SGMS2: variants seen among roughly 807,000 people sequenced by gnomAD.
The protein encoded by SGMS2 is phosphatidylcholine:ceramide cholinephosphotransferase 2.
A neutral mutation model predicts 43.8 loss-of-function variants in SGMS2; 21 were observed. The observed-to-expected ratio is 0.48, with a 90% CI of 0.34 to 0.69. SGMS2 has a LOEUF of 0.69. SGMS2 is among the 30% of genes least tolerant of loss of function. The probability of loss-of-function intolerance (pLI) is 0.01; values close to 1 mark genes in which losing one functional copy is unlikely to be tolerated. For missense variants in SGMS2, 384 were observed against 443.2 expected (o/e 0.87, Z 1.20); for synonymous variants, 167 against 160.6 (o/e 1.04, Z -0.30).
intron 6 of SGMS2, among the ~76,000 whole-genome samples, chr4:107,909,107 T>A (rs993428893): frequency 3.4e-5 from 5 of 146,720 alleles, no homozygotes; most frequent in South Asian, 2.1e-4. Flanking sequence ...CTATTTTTTT[T>A]AATTTTTTTT....
chr4:107,829,741 C>A (rs745477437), intron 1 of SGMS2, among the ~76,000 whole-genome samples: 3 of 151,868 alleles, frequency 2.0e-5, no homozygotes, highest in Non-Finnish European at 2.9e-5. Context: ...TATTATTATT[C>A]TTTTATTTTT....
intron 2 of SGMS2, among the ~76,000 whole-genome samples, chr4:107,890,244 C>T (rs1435134125): frequency 6.6e-6 from 1 of 152,154 alleles, no homozygotes; most frequent in Non-Finnish European, 1.5e-5. Context: ...AGTCTGGTGT[C>T]TTCTCCATTT....
rs1232458773 is a variant in SGMS2 at position 107,838,160 on chromosome 4, G to T, written c.-327+12907G>T. On this transcript the variant is annotated intron_variant, in intron 1 of 6. Transcript: ENST00000690982. ...AGACCATGGGGTAACCAATGAGGAG[G>T]ACCGAAAGAACAATGTCCCAGATGC... Among the ~76,000 whole-genome samples the T allele has an allele frequency of 1.1e-4, 17 of 152,168 alleles. 1 individual carries two copies. Among genetic ancestry groups the T allele is most frequent in the Admixed American group, 1.1e-3 (17 of 15,268 alleles).
At chr4:107,890,486 C>A (rs1261156633) in intron 2 of SGMS2, among the ~76,000 whole-genome samples, 1 of 151,984 alleles carries the variant, frequency 6.6e-6, no homozygotes, top group Non-Finnish European at 1.5e-5. Flanking sequence ...ACCAGCCTGG[C>A]CAACATGGTG....
chr4:107,912,577 T>A lies in SGMS2; in HGVS notation c.*2024T>A, dbSNP rs1365114250. ...GATTTTGCTCTCCTAACACTGGTGT[T>A]TTCCTTGAGCCTCTAATTCAAATAA... is the stretch of plus-strand genomic sequence containing the variant. On this transcript the variant is annotated 3_prime_UTR_variant, in exon 7 of 7. Transcript: ENST00000690982. The A allele has an allele frequency of 6.6e-6, 1 of 152,180 alleles. No individual in the cohort carries two copies. Among genetic ancestry groups the A allele is most frequent in the East Asian group, 1.9e-4 (1 of 5,196 alleles). 9.4% of individuals were successfully genotyped at this position (152,180 alleles called of 1,614,324 possible).
chr4:107,908,054 C>T (rs1731742174), intron 5 of SGMS2: 1 of 152,990 alleles, frequency 6.5e-6, no homozygotes, highest in Admixed American at 6.5e-5. Flanking sequence ...ATATTGCTAG[C>T]CACAATGCCA....
intron 2 of SGMS2, among the ~76,000 whole-genome samples, chr4:107,892,689 G>A (rs1411104095): frequency 6.6e-6 from 1 of 152,092 alleles, no homozygotes; most frequent in Non-Finnish European, 1.5e-5. Flanking sequence ...AAAGTGGGGA[G>A]AGGCCTTCCA....
At chr4:107,909,570 C>G (rs1055232501) in intron 6 of SGMS2, among the ~76,000 whole-genome samples, 5 of 152,122 alleles carry the variant, frequency 3.3e-5, no homozygotes, top group African/African-American at 1.2e-4. Flanking sequence ...CTTTCTTCTC[C>G]CATTGAAACT....
chr4:107,881,307 A>T (rs1303058370), intron 2 of SGMS2, among the ~76,000 whole-genome samples: 1 of 152,062 alleles, frequency 6.6e-6, no homozygotes, highest in Non-Finnish European at 1.5e-5. Context: ...TTTTTCAGTG[A>T]TGCTATTGTT....
At chr4:107,865,498 T>C (rs1728049816) in intron 2 of SGMS2, among the ~76,000 whole-genome samples, 1 of 152,250 alleles carries the variant, frequency 6.6e-6, no homozygotes, top group Admixed American at 6.5e-5. Flanking sequence ...CTAACCAGTT[T>C]ATACTAATTG....
In SGMS2 at chr4:107,895,463, G is replaced by A; in HGVS notation, c.-91G>A. ...AAAGTCCATTGTAAGAGTCCATGTTGATCTTGGAAATAGAAGGATTGAAAA... is the reference window on the plus strand; with the variant it reads ...AAAGTCCATTGTAAGAGTCCATGTTAATCTTGGAAATAGAAGGATTGAAAA... On this transcript the variant is annotated 5_prime_UTR_variant, in exon 3 of 7. Transcript: ENST00000690982. 7.7e-7 allele frequency: 1 copy of A among 1,302,692 alleles called. No homozygotes were observed. The highest frequency in any genetic ancestry group is 1.5e-5 in the South Asian group (1 of 68,956). The allele number at this position is 1,302,692 out of a possible 1,614,324, so 80.7% of individuals were successfully genotyped here.
At chr4:107,836,096 C>A (rs1359632796) in intron 1 of SGMS2, among the ~76,000 whole-genome samples, 1 of 152,108 alleles carries the variant, frequency 6.6e-6, no homozygotes, top group Non-Finnish European at 1.5e-5. Context: ...ATATAAAATT[C>A]TTGAAATTTT....
intron 1 of SGMS2, among the ~76,000 whole-genome samples, chr4:107,835,967 T>C (rs1472986466): frequency 6.6e-6 from 1 of 152,210 alleles, no homozygotes; most frequent in Non-Finnish European, 1.5e-5. Flanking sequence ...TTTATGTAAT[T>C]TGAGTTTTCG....
intron 6 of SGMS2, among the ~76,000 whole-genome samples, chr4:107,909,177 C>T (rs1050290182): frequency 2.6e-5 from 4 of 151,192 alleles, no homozygotes; most frequent in African/African-American, 9.7e-5. Flanking sequence ...GCAATCTTGG[C>T]TTACTGCAAC....
chr4:107,838,015 C>A (rs367641841), intron 1 of SGMS2, among the ~76,000 whole-genome samples: 1 of 152,044 alleles, frequency 6.6e-6, no homozygotes, highest in East Asian at 1.9e-4. Flanking sequence ...GGGGTGAGAT[C>A]AGGGCCAGAG....
At chr4:107,877,316 A>G (rs1018417469) in intron 2 of SGMS2, among the ~76,000 whole-genome samples, 3 of 152,162 alleles carry the variant, frequency 2.0e-5, no homozygotes, top group African/African-American at 7.2e-5. Context: ...ATGTTTTTTA[A>G]GTTTTTCAAC....
chr4:107,908,065 T>C (rs1731744702), intron 5 of SGMS2: 1 of 153,290 alleles, frequency 6.5e-6, no homozygotes. Flanking sequence ...CACAATGCCA[T>C]TCCTTCTGAC....
intron 2 of SGMS2, among the ~76,000 whole-genome samples, chr4:107,858,828 A>G (rs750139499): frequency 4.6e-5 from 7 of 152,224 alleles, no homozygotes; most frequent in Non-Finnish European, 1.5e-5. Context: ...CAGCCAGAGA[A>G]ATAGAGGTAA....
At chr4:107,868,837 T>C (rs1728340586) in intron 2 of SGMS2, among the ~76,000 whole-genome samples, 1 of 152,188 alleles carries the variant, frequency 6.6e-6, no homozygotes, top group African/African-American at 2.4e-5. Flanking sequence ...ATCCCTTTTG[T>C]ACCTGCCTTT....
Sources: gnomAD v4.1 joint callset for allele counts (sites outside exome capture counted in the v4.1 genomes callset) on GRCh38, gnomAD v4.1.1 for gene constraint, MANE v1.5 for transcripts, NCBI Gene and HGNC (gene_info 2026-07-23, HGNC 2026-07-21) for gene names.